SCAP: variants seen among roughly 807,000 people sequenced by gnomAD.
SCAP encodes the protein sterol regulatory element-binding protein cleavage-activating protein.
In SCAP, 65 loss-of-function variants were observed where a neutral mutation model predicts 123.6. That is an observed-to-expected ratio of 0.53 (90% CI 0.43 to 0.65). The LOEUF (loss-of-function observed/expected upper bound fraction) is 0.65, where lower values mean the gene tolerates loss of function less well. Among genes scored for constraint, SCAP ranks in the 30% least tolerant of loss-of-function variants. The pLI is 0.00. For missense variants in SCAP, 1,398 were observed against 1,712.5 expected (o/e 0.82, Z 3.24); for synonymous variants, 740 against 726.3 (o/e 1.02, Z -0.30).
At position 47,475,851 on chromosome 3, in the gene SCAP, G is replaced by GCGGCAGCAGGGGCGGAGCGCGGC. The variant is rs1363335077; in HGVS notation, c.-174_-152dup. ...GGCGGCGGCGGCGGCGGCGACGGGG[G>GCGGCAGCAGGGGCGGAGCGCGGC]CGGCAGCAGGGGCGGAGCGCGGCGT... is the stretch of plus-strand genomic sequence containing the variant. On this transcript the variant is annotated 5_prime_UTR_variant, in exon 1 of 23. Coordinates refer to ENST00000265565, the MANE Select transcript of SCAP (RefSeq NM_012235.4). 3.1e-5 allele frequency: 5 copies of GCGGCAGCAGGGGCGGAGCGCGGC among 161,046 alleles called. No homozygotes were observed. The highest frequency in any genetic ancestry group is 5.3e-5 in the Non-Finnish European group (4 of 75,040). 10.0% of individuals were successfully genotyped at this position (161,046 alleles called of 1,614,324 possible). A position where few individuals can be genotyped will look rare whatever the true frequency, so the allele number is the denominator to read the frequency against.
intron 10 of SCAP, chr3:47,421,413 T>G: frequency 4.7e-6 from 1 of 213,128 alleles, no homozygotes; most frequent in East Asian, 1.2e-4. Flanking sequence ...CCAACCCAGC[T>G]AGAGCCCAGG....
intron 3 of SCAP, among the ~76,000 whole-genome samples, chr3:47,434,330 C>T (rs936810112): frequency 5.9e-5 from 9 of 152,194 alleles, no homozygotes; most frequent in Non-Finnish European, 1.3e-4. Flanking sequence ...TTTGTCCACA[C>T]CTGACAGGCA....
At chr3:47,435,192 T>A in intron 2 of SCAP, 55 bp from the exon 3 acceptor site, 3 of 1,547,584 alleles carry the variant, frequency 1.9e-6, no homozygotes, top group Non-Finnish European at 2.6e-6. Context: ...CAGTCCTCTC[T>A]CAGCACTGAC....
chr3:47,418,317 T>C lies in SCAP; in HGVS notation c.2331+4A>G, dbSNP rs1421318137. On this transcript the variant is annotated splice_donor_region_variant and intron_variant, in intron 15 of 22. Coordinates refer to ENST00000265565, the MANE Select transcript of SCAP (RefSeq NM_012235.4). ...CCCTACCCGGCCACTGTGCCCCTGC[T>C]CACCATGAGGTGGCCGCGCAGCACA... 1 of 1,558,614 alleles carries C rather than the reference T, an allele frequency of 6.4e-7. No homozygotes were observed. Among genetic ancestry groups the C allele is most frequent in the South Asian group, 1.2e-5 (1 of 84,866 alleles).
intron 3 of SCAP, among the ~76,000 whole-genome samples, chr3:47,432,521 C>T (rs1706407317): frequency 6.6e-6 from 1 of 152,080 alleles, no homozygotes; most frequent in Non-Finnish European, 1.5e-5. Context: ...ATCTGTCCCC[C>T]ACATCATCCC....
At chr3:47,463,884 G>C (rs529524786) in intron 1 of SCAP, among the ~76,000 whole-genome samples, 1 of 152,194 alleles carries the variant, frequency 6.6e-6, no homozygotes, top group Non-Finnish European at 1.5e-5. Context: ...TGTCACCCAG[G>C]CTGGATACAG....
Position 47,418,436 on chromosome 3 carries a change from C to T in SCAP, c.2216G>A (p.Gly739Glu). The T allele has an allele frequency of 6.3e-7, 1 of 1,590,786 alleles. No individual in the cohort carries two copies. ...LYRVLCPRNYGQLGGGPGRRR... is the reference protein window; with the variant it reads ...LYRVLCPRNYEQLGGGPGRRR... ...CCGCCCGGGCCCACCACCCAGCTGC[C>T]CGTAGTTGCGCGGGCATAGCACGCG... Residue 739 changes from glycine to glutamate, a missense_variant, in exon 15 of 23, where the codon GGG (glycine) becomes GAG (glutamate). By Grantham distance (98) the Gly-to-Glu change is moderately conservative. Transcript: ENST00000265565.
At chr3:47,422,293 G>C in intron 10 of SCAP, 149 bp downstream of exon 10, 1 of 673,656 alleles carries the variant, frequency 1.5e-6, no homozygotes, top group Non-Finnish European at 2.6e-6. Flanking sequence ...TCTGGGTGCT[G>C]TAGTGATCTG....
At chr3:47,461,548 G>A (rs1707641053) in intron 1 of SCAP, among the ~76,000 whole-genome samples, 1 of 152,126 alleles carries the variant, frequency 6.6e-6, no homozygotes, top group African/African-American at 2.4e-5. Flanking sequence ...AGGAGAGATG[G>A]GATCCTCCAG....
In SCAP at chr3:47,413,739, T is replaced by A; in HGVS notation, c.*115A>T. The stretch of plus-strand genomic sequence containing the variant: ...GTTTTTTAAAAAAGTTTAATATTAT[T>A]ACAGTCAGGAGGCAGCGGCTGGAAG... On this transcript the variant is annotated 3_prime_UTR_variant, in exon 23 of 23. Transcript: ENST00000265565. The A allele has an allele frequency of 7.3e-7, 1 of 1,368,124 alleles. No homozygotes were observed. Among genetic ancestry groups the A allele is most frequent in the Non-Finnish European group, 1.0e-6 (1 of 1,004,938 alleles). The allele number at this position is 1,368,124 out of a possible 1,614,324, so 84.7% of individuals were successfully genotyped here.
At chr3:47,441,255 C>T (rs1226881366) in intron 2 of SCAP, among the ~76,000 whole-genome samples, 1 of 152,040 alleles carries the variant, frequency 6.6e-6, no homozygotes, top group Non-Finnish European at 1.5e-5. Flanking sequence ...AACCATAGTA[C>T]CATCAGAGAG....
At chr3:47,435,181 GC>G in intron 2 of SCAP, 44 bp from the exon 3 acceptor site, 1 of 1,574,232 alleles carries the variant, frequency 6.4e-7, no homozygotes, top group Non-Finnish European at 8.6e-7. Flanking sequence ...ACTATGAGAG[GC>G]AGTCCTCTCT....
chr3:47,462,128 T>G (rs1707664662), intron 1 of SCAP, among the ~76,000 whole-genome samples: 1 of 152,198 alleles, frequency 6.6e-6, no homozygotes, highest in Non-Finnish European at 1.5e-5. Context: ...ATTATTAACA[T>G]AAACATCATT....
At chr3:47,448,862 C>T (rs1393965301) in intron 1 of SCAP, among the ~76,000 whole-genome samples, 1 of 152,004 alleles carries the variant, frequency 6.6e-6, no homozygotes, top group Non-Finnish European at 1.5e-5. Context: ...TGTCTTTTCC[C>T]CTTATGATTT....
chr3:47,417,004 A>G (rs1249656138), intron 18 of SCAP, 118 bp downstream of exon 18: 2 of 840,868 alleles, frequency 2.4e-6, no homozygotes, highest in African/African-American at 3.4e-5. Context: ...GGGCACCAAG[A>G]AGGTCAATCG....
intron 2 of SCAP, 137 bp downstream of exon 2, chr3:47,442,735 A>C (rs1706853667): frequency 1.4e-6 from 1 of 720,608 alleles, no homozygotes; most frequent in Admixed American, 2.8e-5. Context: ...AGAGTTCTCC[A>C]CTCACAGTTA....
intron 1 of SCAP, chr3:47,469,800 A>G: frequency 1.8e-6 from 1 of 563,570 alleles, no homozygotes; most frequent in Non-Finnish European, 3.5e-6. Context: ...AACAAGGAAG[A>G]GACTTGCAAG....
Position 47,419,839 on chromosome 3 carries a change from C to G in SCAP, c.1564-135G>C. ...GAGAGGACACAGGCCCCACTGCGTCCTTTTCTCCTGCCTCTCCAAGTCCTC... is the reference window on the plus strand; with the variant it reads ...GAGAGGACACAGGCCCCACTGCGTCGTTTTCTCCTGCCTCTCCAAGTCCTC... On this transcript the variant is annotated intron_variant, in intron 12 of 22. Transcript: ENST00000265565. The surrounding 1 kb of genome is among the most constrained non-coding windows in gnomAD (Gnocchi z 5.0). 2.9e-6 allele frequency: 3 copies of G among 1,029,954 alleles called. No homozygotes were observed. Among genetic ancestry groups the G allele is most frequent in the Non-Finnish European group, 4.0e-6 (3 of 752,920 alleles). 63.8% of individuals were successfully genotyped at this position (1,029,954 alleles called of 1,614,324 possible).
intron 1 of SCAP, among the ~76,000 whole-genome samples, chr3:47,469,296 G>C (rs1457569785): frequency 6.6e-6 from 1 of 152,216 alleles, no homozygotes; most frequent in Admixed American, 6.5e-5. Flanking sequence ...GCGGTGAGCA[G>C]AGACCACGCC....
Sources: gnomAD v4.1 joint callset for allele counts (sites outside exome capture counted in the v4.1 genomes callset) on GRCh38, gnomAD v4.1.1 for gene constraint, Gnocchi (gnomAD v3.1) non-coding constraint, MANE v1.5 for transcripts, NCBI Gene and HGNC (gene_info 2026-07-23, HGNC 2026-07-21) for gene names.